The following PPP1R1C variants were observed in gnomAD, a reference collection of about 807,000 sequenced individuals.
PPP1R1C encodes the protein protein phosphatase 1 regulatory subunit 1C.
PPP1R1C carries 15 observed loss-of-function variants against 17.4 expected under a neutral mutation model. That is an observed-to-expected ratio of 0.86 (90% CI 0.58 to 1.33). The LOEUF is 1.33. Ranked by LOEUF, PPP1R1C falls within the 40% of genes most tolerant of loss-of-function variation. The pLI, the probability that PPP1R1C is intolerant of heterozygous loss-of-function variation, is 0.00. For synonymous variants in PPP1R1C, 35 were observed against 43.1 expected, an observed-to-expected ratio of 0.81 and a Z score of 0.73; for missense variants, 143 against 130.0, an observed-to-expected ratio of 1.10 and a Z score of -0.48.
At chr2:182,034,239 C>G (rs2125173486) in intron 2 of PPP1R1C, among the ~76,000 whole-genome samples, 1 of 152,062 alleles carries the variant, frequency 6.6e-6, no homozygotes, top group South Asian at 2.1e-4. Flanking sequence ...AATCACTACA[C>G]AAATGTTTAA....
At chr2:181,975,663 A>G (rs1685082045) in intron 2 of PPP1R1C, among the ~76,000 whole-genome samples, 1 of 151,886 alleles carries the variant, frequency 6.6e-6, no homozygotes, top group South Asian at 2.1e-4. Flanking sequence ...TTTTATTATT[A>G]TTATAATACT....
intron 1 of PPP1R1C, among the ~76,000 whole-genome samples, chr2:181,973,625 A>T (rs921025657): frequency 6.6e-6 from 1 of 152,220 alleles, no homozygotes; most frequent in Non-Finnish European, 1.5e-5. Context: ...GTCAACTGAG[A>T]GCTGATCATT....
chr2:182,077,660 C>A (rs528398963), intron 4 of PPP1R1C, among the ~76,000 whole-genome samples: 2 of 152,176 alleles, frequency 1.3e-5, no homozygotes, highest in Non-Finnish European at 2.9e-5. Flanking sequence ...TGTTCTACCC[C>A]TGATAATTGG....
At chr2:182,053,840 G>A (rs1053975465) in intron 2 of PPP1R1C, among the ~76,000 whole-genome samples, 1 of 151,808 alleles carries the variant, frequency 6.6e-6, no homozygotes, top group Non-Finnish European at 1.5e-5. Flanking sequence ...GAGTGCAGTG[G>A]TGTGATCTCA....
intron 2 of PPP1R1C, among the ~76,000 whole-genome samples, chr2:182,045,697 A>G (rs1362671953): frequency 6.6e-6 from 1 of 152,178 alleles, no homozygotes; most frequent in Non-Finnish European, 1.5e-5. Context: ...TGATACTCAG[A>G]TACAATTATT....
chr2:182,076,856 G>A (rs1158495077), intron 4 of PPP1R1C, among the ~76,000 whole-genome samples: 1 of 152,180 alleles, frequency 6.6e-6, no homozygotes, highest in South Asian at 2.1e-4. Flanking sequence ...ATATGGAAGA[G>A]TGTTGTTTGC....
intron 2 of PPP1R1C, among the ~76,000 whole-genome samples, chr2:182,050,409 A>C (rs1013408958): frequency 6.6e-6 from 1 of 152,222 alleles, no homozygotes; most frequent in Non-Finnish European, 1.5e-5. Flanking sequence ...GGACTAAATT[A>C]TCTCTCAGAA....
At chr2:182,112,124 G>T (rs1203836602) in intron 4 of PPP1R1C, among the ~76,000 whole-genome samples, 2 of 152,114 alleles carry the variant, frequency 1.3e-5, no homozygotes, top group Non-Finnish European at 2.9e-5. Flanking sequence ...CCTTTTGGCT[G>T]ACCTTCCCAT....
chr2:182,087,416 G>C (rs987596736), intron 4 of PPP1R1C, among the ~76,000 whole-genome samples: 1 of 152,158 alleles, frequency 6.6e-6, no homozygotes, highest in Non-Finnish European at 1.5e-5. Context: ...GCTGAATTCT[G>C]TTCCTCTACT....
intron 2 of PPP1R1C, among the ~76,000 whole-genome samples, chr2:182,008,714 A>G (rs1217802632): frequency 6.6e-6 from 1 of 152,198 alleles, no homozygotes; most frequent in Non-Finnish European, 1.5e-5. Context: ...TAAAATGCAC[A>G]ATAAATTATT....
chr2:182,078,761 C>G (rs1688388782), intron 4 of PPP1R1C, among the ~76,000 whole-genome samples: 2 of 152,150 alleles, frequency 1.3e-5, no homozygotes, highest in Admixed American at 1.3e-4. Context: ...AAGATAACCT[C>G]AGAGAGTCAT....
At chr2:182,120,649 G>A (rs1301534841), downstream of PPP1R1C, among the ~76,000 whole-genome samples, 1 of 152,032 alleles carries the variant, frequency 6.6e-6, no homozygotes, top group East Asian at 1.9e-4. Context: ...ACATCTCAAT[G>A]CCCCTTGAGA....
chr2:182,072,625 G>A (rs894661177), intron 4 of PPP1R1C, among the ~76,000 whole-genome samples: 14 of 151,940 alleles, frequency 9.2e-5, no homozygotes, highest in South Asian at 2.1e-4. Flanking sequence ...GAATAGCAAC[G>A]GGCCTCATTT....
intron 2 of PPP1R1C, among the ~76,000 whole-genome samples, chr2:182,052,906 G>GA (rs35486712): frequency 0.049 from 7,412 of 150,934 alleles, 570 homozygotes; most frequent in Admixed American, 0.22. Context: ...AGTGAGCCAA[G>GA]AAAAAAAAAT....
intron 2 of PPP1R1C, among the ~76,000 whole-genome samples, chr2:182,030,592 TGG>T (rs1686792060): frequency 6.7e-6 from 1 of 150,176 alleles, no homozygotes; most frequent in South Asian, 2.2e-4. Context: ...AGCTGCATGC[TGG>T]GAGAACCACT....
At chr2:182,046,166 T>C (rs1687341848) in intron 2 of PPP1R1C, among the ~76,000 whole-genome samples, 1 of 151,004 alleles carries the variant, frequency 6.6e-6, no homozygotes, top group Admixed American at 6.6e-5. Flanking sequence ...CTTTATTTCA[T>C]GGTAAGAGTA....
rs1170087297 is a variant in PPP1R1C at position 182,095,666 on chromosome 2, G to T, written c.242-21541G>T. Among the ~76,000 whole-genome samples, 4 of 152,156 alleles carry T rather than the reference G, an allele frequency of 2.6e-5. No individual in the cohort carries two copies. In the East Asian group the frequency reaches 5.8e-4, roughly 22 times the overall value. ...TGTCTTCCAATGGGGCTGCAGAGGA[G>T]AAAAAGTAATATCTTTTCTTTACCC... On this transcript the variant is annotated intron_variant, in intron 4 of 4. Coordinates refer to ENST00000682840, the MANE Select transcript of PPP1R1C (RefSeq NM_001080545.3).
At chr2:182,107,004 T>A (rs965591406) in intron 4 of PPP1R1C, among the ~76,000 whole-genome samples, 5 of 152,180 alleles carry the variant, frequency 3.3e-5, no homozygotes, top group Admixed American at 6.5e-5. Context: ...TCTTATGACC[T>A]CACTTTAACT....
At chr2:181,983,770 G>A (rs1380231545), upstream of PPP1R1C, among the ~76,000 whole-genome samples, 1 of 152,152 alleles carries the variant, frequency 6.6e-6, no homozygotes, top group Admixed American at 6.5e-5. Context: ...GATAAATAGA[G>A]TTATGCTTCA....
Sources: allele counts gnomAD v4.1 joint callset (sites outside exome capture counted in the v4.1 genomes callset), GRCh38; gene constraint gnomAD v4.1.1; transcripts MANE v1.5; gene names NCBI Gene and HGNC (gene_info 2026-07-23, HGNC 2026-07-21).